NPTN: variants seen among roughly 807,000 people sequenced by gnomAD.
The protein encoded by NPTN is SDR-1.
Under a neutral mutation model 42.7 loss-of-function variants are expected in NPTN, and 5 were observed. That is an observed-to-expected ratio of 0.12 (90% CI 0.06 to 0.25). NPTN has a LOEUF of 0.25. Among genes scored for constraint, NPTN ranks in the 10% least tolerant of loss-of-function variants. NPTN has a pLI of 1.00. For missense variants in NPTN, 307 were observed against 525.4 expected (o/e 0.58, Z 4.06); for synonymous variants, 180 against 201.9 (o/e 0.89, Z 0.92).
chr15:73,589,546 G>A (rs563011294), intron 3 of NPTN, among the ~76,000 whole-genome samples: 1 of 152,156 alleles, frequency 6.6e-6, no homozygotes, highest in Admixed American at 6.5e-5. Context: ...CCAGATGAGA[G>A]GATAAATAGT....
At chr15:73,627,463 T>C (rs1259182908) in intron 1 of NPTN, among the ~76,000 whole-genome samples, 1 of 152,220 alleles carries the variant, frequency 6.6e-6, no homozygotes, top group Non-Finnish European at 1.5e-5. Flanking sequence ...GTTTATTTAT[T>C]TGAAAAACAA....
chr15:73,615,173 T>A (rs1242276970), intron 1 of NPTN, among the ~76,000 whole-genome samples: 10 of 148,040 alleles, frequency 6.8e-5, no homozygotes, highest in African/African-American at 2.3e-4. Context: ...TTTTTTTTTT[T>A]AAAGATAATC....
At chr15:73,612,554 T>TC (rs1897643111) in intron 1 of NPTN, among the ~76,000 whole-genome samples, 1 of 151,662 alleles carries the variant, frequency 6.6e-6, no homozygotes, top group Admixed American at 6.6e-5. Context: ...GATCACGAGG[T>TC]CAGGAGATTG....
At chr15:73,573,183 A>G (rs1398336411) in intron 5 of NPTN, among the ~76,000 whole-genome samples, 1 of 152,200 alleles carries the variant, frequency 6.6e-6, no homozygotes, top group Non-Finnish European at 1.5e-5. Flanking sequence ...TATCTTAACT[A>G]TATTACCTGT....
chr15:73,592,397 G>T (rs2141400324), intron 2 of NPTN, among the ~76,000 whole-genome samples: 1 of 152,304 alleles, frequency 6.6e-6, no homozygotes. Context: ...ACGGGTGCTT[G>T]TACTGGTAAT....
At chr15:73,620,091 A>G (rs1898062637) in intron 1 of NPTN, among the ~76,000 whole-genome samples, 1 of 152,346 alleles carries the variant, frequency 6.6e-6, no homozygotes, top group South Asian at 2.1e-4. Context: ...TGAAAGGGAC[A>G]CAACTTAGAG....
chr15:73,598,360 A>G (rs1289951475), intron 1 of NPTN, among the ~76,000 whole-genome samples: 1 of 152,162 alleles, frequency 6.6e-6, no homozygotes, highest in Non-Finnish European at 1.5e-5. Context: ...CCAGGCCTCA[A>G]CCAACACTCT....
At chr15:73,632,329 C>T (rs1263158235) in intron 1 of NPTN, among the ~76,000 whole-genome samples, 1 of 150,668 alleles carries the variant, frequency 6.6e-6, no homozygotes, top group African/African-American at 2.5e-5. Flanking sequence ...CAGTTCCAAC[C>T]CTTTCCCTCC....
Position 73,597,424 on chromosome 15 carries a change from G to T in NPTN, c.92-55C>A. On this transcript the variant is annotated intron_variant, in intron 1 of 8. Transcript: ENST00000345330. The surrounding 1 kb of genome is among the most constrained non-coding windows in gnomAD (Gnocchi z 6.3). ...ACAGGCCAATCAGAAAAAAAAAAAA[G>T]AATCAACAGGTGTTAATAGTAATTT... 1 of 1,179,338 alleles carries T rather than the reference G, an allele frequency of 8.5e-7. No homozygotes were observed. The highest frequency in any genetic ancestry group is 1.2e-6 in the Non-Finnish European group (1 of 830,488). The allele number at this position is 1,179,338 out of a possible 1,614,324, so 73.1% of individuals were successfully genotyped here.
At chr15:73,568,940 C>T in intron 6 of NPTN, 1 of 985,522 alleles carries the variant, frequency 1.0e-6, no homozygotes, top group Non-Finnish European at 1.2e-6. Context: ...AGTCTAAAGC[C>T]ACTGGCATGC....
At chr15:73,577,353 C>T (rs1009898147) in intron 4 of NPTN, among the ~76,000 whole-genome samples, 4 of 152,138 alleles carry the variant, frequency 2.6e-5, no homozygotes, top group Non-Finnish European at 4.4e-5. Context: ...AGAGCCTACA[C>T]CTTAAGATTA....
Position 73,585,149 on chromosome 15 carries a change from T to A in NPTN, c.706+2375A>T, listed in dbSNP as rs114560549. Among the ~76,000 whole-genome samples, 1,499 of 152,276 alleles carry A rather than the reference T, an allele frequency of 9.8e-3. 25 individuals carry two copies. The highest frequency in any genetic ancestry group is 0.034 in the African/African-American group (1,425 of 41,540). On this transcript the variant is annotated intron_variant, in intron 4 of 8. Coordinates refer to ENST00000345330, the MANE Select transcript of NPTN (RefSeq NM_012428.4). The stretch of plus-strand genomic sequence containing the variant: ...AGAATAGATGATGAAGAAATATATA[T>A]GCATGGTCTGAATTACATGCCCTGT...
chr15:73,617,018 T>A (rs1430995067), intron 1 of NPTN, among the ~76,000 whole-genome samples: 1 of 152,158 alleles, frequency 6.6e-6, no homozygotes, highest in Admixed American at 6.6e-5. Flanking sequence ...TCAACATAAT[T>A]CCCTTTGGTG....
intron 1 of NPTN, among the ~76,000 whole-genome samples, chr15:73,604,323 G>A (rs899933894): frequency 6.6e-6 from 1 of 152,114 alleles, no homozygotes; most frequent in Admixed American, 6.6e-5. Context: ...AGGTGTGGTG[G>A]TGCAAGTCTA....
chr15:73,610,180 T>C (rs1057206737), intron 1 of NPTN, among the ~76,000 whole-genome samples: 3 of 151,994 alleles, frequency 2.0e-5, no homozygotes, highest in South Asian at 4.1e-4. Context: ...TCGAACTCCT[T>C]GGTTCAAGCA....
chr15:73,587,926 G>A lies in NPTN; in HGVS notation c.612-308C>T, dbSNP rs117591924. On this transcript the variant is annotated intron_variant, in intron 3 of 8. Coordinates refer to ENST00000345330, the MANE Select transcript of NPTN (RefSeq NM_012428.4). ...ATAGAAGGATGTCCAAAGTACTATA[G>A]TTTATATTCAGATATACAATATAAA... Among the ~76,000 whole-genome samples, 108 of 152,272 alleles carry A rather than the reference G, an allele frequency of 7.1e-4. 1 individual carries two copies. The East Asian group carries it at 0.01, about 15-fold the overall frequency.
In NPTN at chr15:73,587,142, T is replaced by G. The variant is rs565671053; in HGVS notation, c.706+382A>C. Among the ~76,000 whole-genome samples, 6 of 152,308 alleles carry G rather than the reference T, an allele frequency of 3.9e-5. No individual in the cohort carries two copies. The South Asian group carries it at 1.2e-3, about 32-fold the overall frequency. ...CTTGTAAGGCACTGATCTAAGAGCT[T>G]TACAAAGCCTTGGGCCATAGGAGCT... On this transcript the variant is annotated intron_variant, in intron 4 of 8. Coordinates refer to ENST00000345330, the MANE Select transcript of NPTN (RefSeq NM_012428.4).
intron 5 of NPTN, among the ~76,000 whole-genome samples, chr15:73,572,813 T>C (rs954243271): frequency 1.3e-5 from 2 of 152,208 alleles, no homozygotes; most frequent in African/African-American, 2.4e-5. Flanking sequence ...AGTGATATGG[T>C]TTGGATTTTG....
At chr15:73,612,524 T>A (rs1221552564) in intron 1 of NPTN, among the ~76,000 whole-genome samples, 1 of 151,930 alleles carries the variant, frequency 6.6e-6, no homozygotes, top group East Asian at 1.9e-4. Context: ...TCCCAGCACT[T>A]TGGGAGGCCG....
Sources: gnomAD v4.1 joint callset for allele counts (sites outside exome capture counted in the v4.1 genomes callset) on GRCh38, gnomAD v4.1.1 for gene constraint, Gnocchi (gnomAD v3.1) non-coding constraint, MANE v1.5 for transcripts, NCBI Gene and HGNC (gene_info 2026-07-23, HGNC 2026-07-21) for gene names.